The following SYNPR variants were observed in gnomAD, a reference collection of about 807,000 sequenced individuals.
SYNPR encodes synaptoporin.
SYNPR carries 23 observed loss-of-function variants against 32.9 expected under a neutral mutation model. That is an observed-to-expected ratio of 0.70 (90% CI 0.50 to 0.99). The LOEUF (loss-of-function observed/expected upper bound fraction) is 0.99. Among genes scored for constraint, SYNPR ranks in the 50% least tolerant of loss-of-function variants. SYNPR has a pLI of 0.00. For missense variants in SYNPR, 318 were observed against 349.3 expected, an observed-to-expected ratio of 0.91 and a Z score of 0.71; for synonymous variants, 146 against 135.9, an observed-to-expected ratio of 1.07 and a Z score of -0.52.
chr3:63,289,916 G>T (rs1400696851), intron 2 of SYNPR, among the ~76,000 whole-genome samples: 1 of 151,928 alleles, frequency 6.6e-6, no homozygotes, highest in Non-Finnish European at 1.5e-5. Context: ...GGATCACAAG[G>T]TCAAGAGATC....
In SYNPR at chr3:63,281,403, T is replaced by C. The variant is rs144763393; in HGVS notation, c.84+2661T>C. Among the ~76,000 whole-genome samples, 28 of 152,364 alleles carry C rather than the reference T, an allele frequency of 1.8e-4. 1 individual carries two copies. In the Middle Eastern group the frequency reaches 0.01, roughly 56 times the overall value. On this transcript the variant is annotated intron_variant, in intron 2 of 5. Coordinates refer to ENST00000478300, the MANE Select transcript of SYNPR (RefSeq NM_001130003.2). Reference sequence around the variant, plus strand: ...CATGCATGTAAAGATATATGTATCTTAGTTTTGGGGGTTGCTATAACAAAA... The same window carrying C: ...CATGCATGTAAAGATATATGTATCTCAGTTTTGGGGGTTGCTATAACAAAA...
intron 3 of SYNPR, among the ~76,000 whole-genome samples, chr3:63,272,088 G>A (rs2086541143): frequency 6.6e-6 from 1 of 152,106 alleles, no homozygotes. Context: ...ACCACACAGG[G>A]TGTTAATATC....
At chr3:63,227,176 C>A (rs1426923946), upstream of SYNPR, among the ~76,000 whole-genome samples, 1 of 152,230 alleles carries the variant, frequency 6.6e-6, no homozygotes, top group Non-Finnish European at 1.5e-5. Flanking sequence ...GGGCCGGGCA[C>A]ATATATCCCA....
chr3:63,297,002 T>C (rs1011447547), intron 2 of SYNPR, among the ~76,000 whole-genome samples: 2 of 152,106 alleles, frequency 1.3e-5, no homozygotes, highest in African/African-American at 2.4e-5. Flanking sequence ...AGGGAATGAG[T>C]TTTTAATTTA....
chr3:63,301,979 C>T (rs1206735961), intron 2 of SYNPR, among the ~76,000 whole-genome samples: 2 of 152,046 alleles, frequency 1.3e-5, no homozygotes, highest in African/African-American at 4.8e-5. Context: ...ATTCCATTAC[C>T]TAAAACTATG....
chr3:63,299,699 G>A (rs1458186391), intron 2 of SYNPR, among the ~76,000 whole-genome samples: 1 of 152,146 alleles, frequency 6.6e-6, no homozygotes, highest in African/African-American at 2.4e-5. Flanking sequence ...AATGGTAGCT[G>A]TCTCATTGAT....
At chr3:63,250,585 G>GA (rs1339626270) in intron 1 of SYNPR, among the ~76,000 whole-genome samples, 1 of 152,140 alleles carries the variant, frequency 6.6e-6, no homozygotes, top group African/African-American at 2.4e-5. Context: ...TGGTTAGTAG[G>GA]TGCCATAAGT....
intron 2 of SYNPR, among the ~76,000 whole-genome samples, chr3:63,348,028 A>G (rs1264839021): frequency 6.6e-6 from 1 of 152,086 alleles, no homozygotes; most frequent in Non-Finnish European, 1.5e-5. Context: ...GTATCTGAGT[A>G]CAGGTATCTT....
At chr3:63,469,698 C>T (rs2106672854) in intron 2 of SYNPR, among the ~76,000 whole-genome samples, 1 of 152,224 alleles carries the variant, frequency 6.6e-6, no homozygotes, top group Non-Finnish European at 1.5e-5. Context: ...CCTTTTTAAT[C>T]AACGAATGAT....
At chr3:63,584,540 G>C (rs1308536200) in intron 4 of SYNPR, among the ~76,000 whole-genome samples, 2 of 151,988 alleles carry the variant, frequency 1.3e-5, no homozygotes, top group African/African-American at 4.8e-5. Flanking sequence ...GAAATATGAG[G>C]AAAGGGGGAA....
At chr3:63,613,610 CAAAAAAAA>C (rs10566584) in intron 5 of SYNPR, among the ~76,000 whole-genome samples, 331 of 46,030 alleles carry the variant, frequency 7.2e-3, no homozygotes, top group Non-Finnish European at 9.4e-3. Flanking sequence ...TATGCTGCAG[CAAAAAAAA>C]AAAAAAAAAA....
At chr3:63,362,519 C>A (rs1406677746) in intron 2 of SYNPR, among the ~76,000 whole-genome samples, 1 of 152,082 alleles carries the variant, frequency 6.6e-6, no homozygotes, top group Non-Finnish European at 1.5e-5. Context: ...TACCATGTTG[C>A]CAAGCCCAAC....
At chr3:63,220,196 T>C in the SYNPR span, among the ~76,000 whole-genome samples, 1 of 152,320 alleles carries the variant, frequency 6.6e-6, no homozygotes, top group African/African-American at 2.4e-5. Flanking sequence ...GATACTGCTG[T>C]AATCCAGGTT....
chr3:63,584,606 C>T (rs970856782), intron 4 of SYNPR, among the ~76,000 whole-genome samples: 1 of 151,902 alleles, frequency 6.6e-6, no homozygotes, highest in African/African-American at 2.4e-5. Context: ...ACGTTGGGTG[C>T]TAAGTGAGAA....
intron 3 of SYNPR, among the ~76,000 whole-genome samples, chr3:63,511,567 T>C (rs1701700218): frequency 6.6e-6 from 1 of 152,188 alleles, no homozygotes; most frequent in Non-Finnish European, 1.5e-5. Flanking sequence ...CTTGTGCTTT[T>C]AAGGCTTGCC....
intron 3 of SYNPR, among the ~76,000 whole-genome samples, chr3:63,525,801 G>T (rs1213808225): frequency 6.6e-6 from 1 of 152,164 alleles, no homozygotes; most frequent in Non-Finnish European, 1.5e-5. Context: ...GTTCTAATTA[G>T]AAGGCTCTCT....
At chr3:63,205,757 GCTCT>G in the SYNPR span, among the ~76,000 whole-genome samples, 1 of 152,160 alleles carries the variant, frequency 6.6e-6, no homozygotes, top group Non-Finnish European at 1.5e-5. Flanking sequence ...GCACGATAGC[GCTCT>G]CTACTTTGTT....
intron 4 of SYNPR, among the ~76,000 whole-genome samples, chr3:63,572,285 C>G (rs1025726526): frequency 6.6e-6 from 1 of 151,980 alleles, no homozygotes; most frequent in Admixed American, 6.6e-5. Flanking sequence ...CCTTCTCCTC[C>G]TCCTCCTCCT....
At chr3:63,313,623 T>C (rs1448366296) in intron 2 of SYNPR, among the ~76,000 whole-genome samples, 3 of 141,800 alleles carry the variant, frequency 2.1e-5, no homozygotes, top group Non-Finnish European at 4.6e-5. Context: ...CACACACATA[T>C]ACACACACAA....
Sources: gnomAD v4.1 joint callset for allele counts (sites outside exome capture counted in the v4.1 genomes callset) on GRCh38, gnomAD v4.1.1 for gene constraint, MANE v1.5 for transcripts, NCBI Gene and HGNC (gene_info 2026-07-23, HGNC 2026-07-21) for gene names.